The following PPP2R5E variants were observed in gnomAD, a reference collection of about 807,000 sequenced individuals.
PPP2R5E encodes serine/threonine-protein phosphatase 2A 56 kDa regulatory subunit epsilon isoform.
Under a neutral mutation model 65.3 loss-of-function variants are expected in PPP2R5E, and 4 were observed. The ratio of observed to expected loss-of-function variants is 0.06; its 90% CI spans 0.03 to 0.14. The LOEUF (loss-of-function observed/expected upper bound fraction) is 0.14. PPP2R5E is among the 10% of genes least tolerant of loss of function. The pLI is 1.00. For missense variants in PPP2R5E, 274 were observed against 556.1 expected (o/e 0.49, Z 5.10); for synonymous variants, 183 against 187.4 (o/e 0.98, Z 0.19).
chr14:63,528,289 C>T (rs1278334813), intron 2 of PPP2R5E, among the ~76,000 whole-genome samples: 1 of 152,200 alleles, frequency 6.6e-6, no homozygotes, highest in Non-Finnish European at 1.5e-5. Context: ...AAACTCTGCT[C>T]TGAAAGTCCA....
At chr14:63,438,670 G>C (rs1888056339) in intron 3 of PPP2R5E, among the ~76,000 whole-genome samples, 1 of 152,152 alleles carries the variant, frequency 6.6e-6, no homozygotes, top group Admixed American at 6.5e-5. Context: ...TAAAAACTCT[G>C]AACAACCTTT....
chr14:63,446,489 C>G (rs923918369), intron 3 of PPP2R5E, among the ~76,000 whole-genome samples: 2 of 152,148 alleles, frequency 1.3e-5, no homozygotes, highest in African/African-American at 4.8e-5. Context: ...ATCAAAATTA[C>G]TCCTTGACCC....
intron 3 of PPP2R5E, among the ~76,000 whole-genome samples, chr14:63,441,190 G>A (rs941941491): frequency 2.7e-5 from 4 of 148,310 alleles, no homozygotes; most frequent in South Asian, 2.2e-4. Context: ...GAAGGCATAC[G>A]GGTGCTGGCC....
Position 63,539,620 on chromosome 14 carries a change from G to A in PPP2R5E, c.66C>T (p.Val22=), listed in dbSNP as rs1425590534. Residue 22 remains valine, a synonymous_variant, in exon 2 of 14, where the codon GTC becomes GTT. Transcript: ENST00000337537. ...GCGACCTCTTCTGTCTGGCTTTTCT[G>A]ACGGACTTCCGAGAAAATCCGTCTA... ...DKVDGFSRKS[V]RKARQKRSQS... 2.5e-6 allele frequency: 4 copies of A among 1,613,944 alleles called. No individual in the cohort carries two copies. The South Asian group carries it at 3.3e-5, about 13-fold the overall frequency.
intron 3 of PPP2R5E, among the ~76,000 whole-genome samples, chr14:63,440,948 CAAAAAAA>C (rs374563795): frequency 0.019 from 1,267 of 67,656 alleles, 48 homozygotes; most frequent in African/African-American, 0.064. Context: ...GACTCCATCT[CAAAAAAA>C]AAAAAAAAAA....
chr14:63,499,460 C>T (rs904861388), intron 2 of PPP2R5E, among the ~76,000 whole-genome samples: 11 of 152,166 alleles, frequency 7.2e-5, no homozygotes, highest in Non-Finnish European at 1.3e-4. Context: ...TGCAGGGGCT[C>T]ACACCTGTAA....
intron 2 of PPP2R5E, among the ~76,000 whole-genome samples, chr14:63,492,726 T>C (rs954497890): frequency 6.6e-6 from 1 of 152,136 alleles, no homozygotes; most frequent in Non-Finnish European, 1.5e-5. Context: ...GTTTTGTTTT[T>C]GTTTGTTGAA....
In PPP2R5E at chr14:63,372,885, G is replaced by C. The variant is rs561401198; in HGVS notation, c.*3124C>G. On this transcript the variant is annotated 3_prime_UTR_variant, in exon 14 of 14. Transcript: ENST00000337537. The stretch of plus-strand genomic sequence containing the variant: ...AAGATGAAGGAGCATAACCCTGCTT[G>C]TGAGTATCCAGTGGCATCGAGGGTA... The C allele has an allele frequency of 6.6e-6, 1 of 152,126 alleles. No individual in the cohort carries two copies. The highest frequency in any genetic ancestry group is 1.5e-5 in the Non-Finnish European group (1 of 68,018). 9.4% of individuals were successfully genotyped at this position (152,126 alleles called of 1,614,324 possible).
intron 2 of PPP2R5E, among the ~76,000 whole-genome samples, chr14:63,467,271 C>T (rs1203491323): frequency 6.6e-6 from 1 of 150,732 alleles, no homozygotes; most frequent in Non-Finnish European, 1.5e-5. Flanking sequence ...CAACATGTTC[C>T]TTCTATGCTG....
chr14:63,467,247 A>AAAAAAAAC (rs1889878241), intron 2 of PPP2R5E, among the ~76,000 whole-genome samples: 2 of 150,518 alleles, frequency 1.3e-5, no homozygotes, highest in African/African-American at 2.5e-5. Flanking sequence ...AACAAACAAA[A>AAAAAAAAC]AAAACACTAT....
Position 63,489,906 on chromosome 14 carries a change from T to G in PPP2R5E, c.158-36021A>C, listed in dbSNP as rs1450729803. 2.0e-5 allele frequency among the ~76,000 whole-genome samples: 3 copies of G among 152,086 alleles called. No individual in the cohort carries two copies. The East Asian group carries it at 5.8e-4, about 29-fold the overall frequency. ...GGCACACGCACAGCCACAAATCCAA[T>G]GAAGTCCAGGCCAATTTATATCATT... On this transcript the variant is annotated intron_variant, in intron 2 of 13. Transcript: ENST00000337537.
At chr14:63,515,840 T>C (rs895960008) in intron 2 of PPP2R5E, among the ~76,000 whole-genome samples, 2 of 150,948 alleles carry the variant, frequency 1.3e-5, no homozygotes, top group African/African-American at 2.4e-5. Flanking sequence ...TTTTCTTTTA[T>C]TTTTATTTTA....
chr14:63,411,228 T>C lies in PPP2R5E; in HGVS notation c.549+3912A>G, dbSNP rs545410691. Among the ~76,000 whole-genome samples, 13 of 152,292 alleles carry C rather than the reference T, an allele frequency of 8.5e-5. No individual in the cohort carries two copies. In the South Asian group the frequency reaches 2.7e-3, roughly 32 times the overall value. ...ACCATAGCATCTAATAGTCTCTATG[T>C]TCTCCATACAACCAAAATTAAGAAA... On this transcript the variant is annotated intron_variant, in intron 5 of 13. Coordinates refer to ENST00000337537, the MANE Select transcript of PPP2R5E (RefSeq NM_006246.5).
intron 2 of PPP2R5E, among the ~76,000 whole-genome samples, chr14:63,490,775 A>C (rs1158024073): frequency 6.6e-6 from 1 of 152,132 alleles, no homozygotes; most frequent in Non-Finnish European, 1.5e-5. Context: ...ACGCTCATAC[A>C]CTGATGATGG....
At chr14:63,426,028 T>C (rs1887315890) in intron 3 of PPP2R5E, among the ~76,000 whole-genome samples, 1 of 152,204 alleles carries the variant, frequency 6.6e-6, no homozygotes, top group African/African-American at 2.4e-5. Flanking sequence ...CTTCTCAACA[T>C]TCACCAAATG....
chr14:63,537,451 T>G (rs766352199), intron 2 of PPP2R5E, among the ~76,000 whole-genome samples: 2 of 152,204 alleles, frequency 1.3e-5, no homozygotes, highest in Non-Finnish European at 2.9e-5. Context: ...AAATCTCTAG[T>G]CAAAATTTTC....
intron 2 of PPP2R5E, among the ~76,000 whole-genome samples, chr14:63,484,428 T>G (rs75094067): frequency 1.6e-4 from 24 of 151,628 alleles, no homozygotes; most frequent in Admixed American, 4.6e-4. Context: ...CAAGGACTTC[T>G]AAGCATTTCC....
At chr14:63,461,511 T>C (rs1334408990) in intron 2 of PPP2R5E, among the ~76,000 whole-genome samples, 1 of 152,110 alleles carries the variant, frequency 6.6e-6, no homozygotes, top group Middle Eastern at 3.2e-3. Flanking sequence ...AAAGGAGGGT[T>C]GGTGCTGGGC....
chr14:63,444,442 G>C (rs550994410), intron 3 of PPP2R5E, among the ~76,000 whole-genome samples: 1 of 152,246 alleles, frequency 6.6e-6, no homozygotes, highest in South Asian at 2.1e-4. Context: ...CCCTCTACCA[G>C]ATTGTGAGCT....
Sources: gnomAD v4.1 joint callset for allele counts (sites outside exome capture counted in the v4.1 genomes callset) on GRCh38, gnomAD v4.1.1 for gene constraint, MANE v1.5 for transcripts, NCBI Gene and HGNC (gene_info 2026-07-23, HGNC 2026-07-21) for gene names.